MUC15: variants seen among roughly 807,000 people sequenced by gnomAD.
MUC15 encodes mucin 15, cell surface associated, also known as mucin-15.
A neutral mutation model predicts 24.0 loss-of-function variants in MUC15; 23 were observed. That is an observed-to-expected ratio of 0.96 (90% CI 0.69 to 1.36). MUC15 has a LOEUF of 1.36. MUC15 is among the 40% of genes most tolerant of loss of function. MUC15 has a pLI of 0.00. For synonymous variants in MUC15, 151 were observed against 156.3 expected (o/e 0.97, Z 0.25); for missense variants, 442 against 428.2 (o/e 1.03, Z -0.29).
At chr11:26,569,605 G>A (rs2134283085) in intron 1 of MUC15, among the ~76,000 whole-genome samples, 1 of 152,188 alleles carries the variant, frequency 6.6e-6, no homozygotes, top group South Asian at 2.1e-4. Flanking sequence ...CATGCCAACT[G>A]AACAAAGCAC....
At position 26,567,131 on chromosome 11, in the gene MUC15, T is replaced by C; in HGVS notation, c.-37A>G. ...AGAAACTGAAGCTCACAATGGCTAG[T>C]AACAGAAGCTGGAAAATGGAAGAGG... On this transcript the variant is annotated 5_prime_UTR_variant, in exon 2 of 5. Transcript: ENST00000529533. The C allele has an allele frequency of 7.0e-7, 1 of 1,430,340 alleles. No homozygotes were observed. Among genetic ancestry groups the C allele is most frequent in the Non-Finnish European group, 9.2e-7 (1 of 1,083,256 alleles). 88.6% of individuals were successfully genotyped at this position (1,430,340 alleles called of 1,614,324 possible).
rs758104503 is a variant in MUC15 at position 26,565,793 on chromosome 11, A to G, written c.147T>C (p.His49=). 1.2e-6 allele frequency: 2 copies of G among 1,613,194 alleles called. No individual in the cohort carries two copies. The highest frequency in any genetic ancestry group is 3.3e-5 in the Admixed American group (2 of 59,882). ...TGTTTATGTCTTGATTTTCTTTTCC[A>G]TGGCTCCCCGATAGAAGTGAATAAA... The part of the protein sequence containing the change: ...TLFYSLLSGS[H]GKENQDINTT... Residue 49 remains histidine, a synonymous_variant, in exon 3 of 5, where the codon CAT becomes CAC. Coordinates refer to ENST00000529533, the MANE Select transcript of MUC15 (RefSeq NM_001135091.2).
chr11:26,567,127 C>T lies in MUC15; in HGVS notation c.-33G>A. 2 of 1,434,650 alleles carry T rather than the reference C, an allele frequency of 1.4e-6. No individual in the cohort carries two copies. Among genetic ancestry groups the T allele is most frequent in the Non-Finnish European group, 1.8e-6 (2 of 1,085,842 alleles). 88.9% of individuals were successfully genotyped at this position (1,434,650 alleles called of 1,614,324 possible). A position where few individuals can be genotyped will look rare whatever the true frequency, so the allele number is the denominator to read the frequency against. On this transcript the variant is annotated 5_prime_UTR_variant, in exon 2 of 5. Coordinates refer to ENST00000529533, the MANE Select transcript of MUC15 (RefSeq NM_001135091.2). ...ATGAAGAAACTGAAGCTCACAATGGCTAGTAACAGAAGCTGGAAAATGGAA... is the reference window on the plus strand; with the variant it reads ...ATGAAGAAACTGAAGCTCACAATGGTTAGTAACAGAAGCTGGAAAATGGAA...
At chr11:26,562,942 A>T in intron 4 of MUC15, 174 bp downstream of exon 4, 1 of 860,530 alleles carries the variant, frequency 1.2e-6, no homozygotes, top group Non-Finnish European at 1.6e-6. Context: ...TCACAGGTCT[A>T]TAATTATTTT....
At position 26,565,803 on chromosome 11, in the gene MUC15, G is replaced by C. The variant is rs293979; in HGVS notation, c.137C>G (p.Ser46Trp). The C allele has an allele frequency of 1.7e-3, 2,817 of 1,611,388 alleles. 48 individuals are homozygous for C. The African/African-American group carries it at 0.033, about 19-fold the overall frequency. Reference protein sequence around the residue: ...LISTLFYSLLSGSHGKENQDI... With the variant: ...LISTLFYSLLWGSHGKENQDI... ...TTGATTTTCTTTTCCATGGCTCCCC[G>C]ATAGAAGTGAATAAAACAACGTTGA... The change falls in exon 3 of 5, where the codon TCG becomes TGG. Residue 46 changes from serine to tryptophan, a missense_variant. By Grantham distance (177) the Ser-to-Trp change is radical. Coordinates refer to ENST00000529533, the MANE Select transcript of MUC15 (RefSeq NM_001135091.2).
intron 2 of MUC15, among the ~76,000 whole-genome samples, chr11:26,566,775 G>C (rs1375276837): frequency 6.7e-6 from 1 of 148,586 alleles, no homozygotes; most frequent in Non-Finnish European, 1.5e-5. Context: ...AAAATGTTTT[G>C]AAATCAGATT....
chr11:26,572,233 C>A lies in MUC15; in HGVS notation c.-238G>T. ...CTTGTGTAACAGAGCGCCCAGGAAC[C>A]TGACTGACCTGCTTCTCAGCTGTAA... On this transcript the variant is annotated 5_prime_UTR_variant, in exon 1 of 5. It adds an upstream start codon to the 5' untranslated region. Coordinates refer to ENST00000529533, the MANE Select transcript of MUC15 (RefSeq NM_001135091.2). 2.0e-6 allele frequency: 2 copies of A among 985,392 alleles called. No individual in the cohort carries two copies. Among genetic ancestry groups the A allele is most frequent in the African/African-American group, 1.7e-5 (1 of 57,310 alleles). 61.0% of individuals were successfully genotyped at this position (985,392 alleles called of 1,614,324 possible).
rs763025053 is a variant in MUC15 at position 26,565,351 on chromosome 11, T to C, written c.589A>G (p.Ile197Val). 2.5e-6 allele frequency: 4 copies of C among 1,612,814 alleles called. No homozygotes were observed. Among genetic ancestry groups the C allele is most frequent in the South Asian group, 1.1e-5 (1 of 91,004 alleles). ...TPDNSSITVS[I>V]LSSEPTSPSV... ...GGAGAAGTTGGTTCTGAAGAGAGGA[T>C]GCTAACTGTAATGGAACTGTTATCA... is the stretch of plus-strand genomic sequence containing the variant. The change falls in exon 3 of 5, where the codon ATC (isoleucine) becomes GTC (valine). Residue 197 changes from isoleucine to valine, a missense_variant. By Grantham distance (29) the Ile-to-Val change is conservative (BLOSUM62 3). Coordinates refer to ENST00000529533, the MANE Select transcript of MUC15 (RefSeq NM_001135091.2).
intron 1 of MUC15, among the ~76,000 whole-genome samples, chr11:26,568,253 G>C (rs554868998): frequency 1.3e-5 from 2 of 152,124 alleles, no homozygotes; most frequent in Admixed American, 1.3e-4. Flanking sequence ...AAATGGTGAA[G>C]AAGGGCTTAT....
chr11:26,567,938 C>A lies in MUC15; in HGVS notation c.-45-799G>T, dbSNP rs148417406. On this transcript the variant is annotated intron_variant, in intron 1 of 4. Transcript: ENST00000529533. ...CATGTATATAAAGTTCAAAAACAGG[C>A]AAAAAGCTACAATGATACGATTGGG... 6.0e-4 allele frequency among the ~76,000 whole-genome samples: 91 copies of A among 151,928 alleles called. 2 individuals carry two copies. In the East Asian group the frequency reaches 0.015, roughly 25 times the overall value.
chr11:26,564,649 T>A (rs1850445144), intron 3 of MUC15, among the ~76,000 whole-genome samples: 1 of 140,258 alleles, frequency 7.1e-6, no homozygotes, highest in African/African-American at 2.6e-5. Context: ...ATTCATTACT[T>A]TGTTCAACTT....
chr11:26,560,901 A>G lies in MUC15; in HGVS notation c.*164T>C. The G allele has an allele frequency of 1.6e-6, 1 of 624,880 alleles. No individual in the cohort carries two copies. Among genetic ancestry groups the G allele is most frequent in the Non-Finnish European group, 2.6e-6 (1 of 387,994 alleles). 38.7% of individuals were successfully genotyped at this position (624,880 alleles called of 1,614,324 possible). On this transcript the variant is annotated 3_prime_UTR_variant, in exon 5 of 5. Transcript: ENST00000529533. ...AAATTGTAAGAAAGAAAACCTTTGG[A>G]TGATACATCCTGTCTACATTTCTGC...
chr11:26,567,236 T>TA (rs553567756), intron 1 of MUC15, 97 bp from the exon 2 acceptor site: 7 of 758,840 alleles, frequency 9.2e-6, no homozygotes, highest in African/African-American at 5.4e-5. Context: ...AAATTTACTT[T>TA]AAAAAAATAG....
chr11:26,570,577 G>A (rs189186879), intron 1 of MUC15, among the ~76,000 whole-genome samples: 209 of 152,162 alleles, frequency 1.4e-3, no homozygotes, highest in Non-Finnish European at 2.4e-3. Flanking sequence ...ATCAGTTCAG[G>A]TATACTGCAG....
At chr11:26,567,006 T>C in intron 2 of MUC15, 46 bp downstream of exon 2, 1 of 1,404,104 alleles carries the variant, frequency 7.1e-7, no homozygotes, top group East Asian at 2.6e-5. Context: ...ATCTATAGTG[T>C]CTTTTTGGTT....
At chr11:26,564,385 T>G (rs1850431521) in intron 3 of MUC15, among the ~76,000 whole-genome samples, 1 of 151,342 alleles carries the variant, frequency 6.6e-6, no homozygotes, top group Admixed American at 6.6e-5. Flanking sequence ...AATATAATCC[T>G]TAAGTAAACC....
intron 1 of MUC15, among the ~76,000 whole-genome samples, chr11:26,570,006 T>G (rs1850756450): frequency 6.6e-6 from 1 of 152,066 alleles, no homozygotes; most frequent in Non-Finnish European, 1.5e-5. Context: ...AGGTTTAGGA[T>G]CATCACAAAC....
At position 26,559,193 on chromosome 11, in the gene MUC15, A is replaced by G. The variant is rs1168316735; in HGVS notation, c.*1872T>C. ...AGTGATTTATGAAACTTTTAAAACA[A>G]ATTAAGATGGGATTTATTACATCTT... On this transcript the variant is annotated 3_prime_UTR_variant, in exon 5 of 5. Coordinates refer to ENST00000529533, the MANE Select transcript of MUC15 (RefSeq NM_001135091.2). 6.6e-6 allele frequency: 1 copy of G among 152,352 alleles called. No individual in the cohort carries two copies. The highest frequency in any genetic ancestry group is 1.5e-5 in the Non-Finnish European group (1 of 68,162). The allele number at this position is 152,352 out of a possible 1,614,324, so 9.4% of individuals were successfully genotyped here.
Position 26,565,195 on chromosome 11 carries a change from GT to G in MUC15, c.744del (p.Lys248AsnfsTer18), listed in dbSNP as rs1423622091. ...QPTLKFTNNS[K>X]LFPNTSDPQK... ...TGGGGATCTGACGTATTTGGAAAGA[GT>G]TTTGAATTATTGGTGAATTTTAAGG... On this transcript the variant is annotated frameshift_variant, in exon 3 of 5. Transcript: ENST00000529533. LOFTEE classifies it high-confidence loss of function. 3 of 1,508,314 alleles carry G rather than the reference GT, an allele frequency of 2.0e-6. No homozygotes were observed. The highest frequency in any genetic ancestry group is 2.7e-6 in the Non-Finnish European group (3 of 1,128,532). The allele number at this position is 1,508,314 out of a possible 1,614,324, so 93.4% of individuals were successfully genotyped here.
Sources: gnomAD v4.1 joint callset for allele counts (sites outside exome capture counted in the v4.1 genomes callset) on GRCh38, gnomAD v4.1.1 for gene constraint, MANE v1.5 for transcripts, NCBI Gene and HGNC (gene_info 2026-07-23, HGNC 2026-07-21) for gene names.